Variants in CPPED1 observed in about 807,000 individuals in gnomAD.
CPPED1 encodes calcineurin like phosphoesterase domain containing 1, also known as serine/threonine-protein phosphatase CPPED1.
CPPED1 carries 28 observed loss-of-function variants against 28.0 expected under a neutral mutation model. The ratio of observed to expected loss-of-function variants is 1.00; its 90% CI spans 0.74 to 1.37. CPPED1 has a LOEUF of 1.37. Among genes scored for constraint, CPPED1 ranks in the 40% most tolerant of loss-of-function variants. The probability of loss-of-function intolerance (pLI) is 0.00; values close to 1 mark genes in which losing one functional copy is unlikely to be tolerated. For synonymous variants in CPPED1, 198 were observed against 180.2 expected (o/e 1.10, Z -0.79); for missense variants, 504 against 416.5 (o/e 1.21, Z -1.83).
intron 2 of CPPED1, among the ~76,000 whole-genome samples, chr16:12,705,762 C>T (rs543238166): frequency 6.6e-6 from 1 of 152,364 alleles, no homozygotes; most frequent in East Asian, 1.9e-4. Flanking sequence ...CTGCCTTAGC[C>T]TCCCAAAGTG....
rs1180494958 is a variant in CPPED1 at position 12,696,028 on chromosome 16, G to A, written c.715+8596C>T. Among the ~76,000 whole-genome samples the A allele has an allele frequency of 2.0e-5, 3 of 152,090 alleles. 1 individual carries two copies. ...TCCTTTTAAACCAGTACCCCCTTTTGTTAAAATTAAAAGTAGCATGCCTTC... is the reference window on the plus strand; with the variant it reads ...TCCTTTTAAACCAGTACCCCCTTTTATTAAAATTAAAAGTAGCATGCCTTC... On this transcript the variant is annotated intron_variant, in intron 3 of 3. Coordinates refer to ENST00000381774, the MANE Select transcript of CPPED1 (RefSeq NM_018340.3).
intron 3 of CPPED1, among the ~76,000 whole-genome samples, chr16:12,691,760 A>G (rs1340112092): frequency 7.2e-6 from 1 of 138,802 alleles, no homozygotes; most frequent in Non-Finnish European, 1.5e-5. Context: ...GGAATTGAAC[A>G]GTGAGAACAC....
In CPPED1 at chr16:12,743,643, T is replaced by TG. The variant is rs147343012; in HGVS notation, c.289+37541dup. On this transcript the variant is annotated intron_variant, in intron 2 of 3. Coordinates refer to ENST00000381774, the MANE Select transcript of CPPED1 (RefSeq NM_018340.3). The stretch of plus-strand genomic sequence containing the variant: ...ACCAAGAAAAAGTCATTTATCTCAA[T>TG]GGAACAAACAGGCTGAGATGAACAG... 7.8e-3 allele frequency among the ~76,000 whole-genome samples: 1,190 copies of TG among 152,324 alleles called. 19 individuals are homozygous for TG. Among genetic ancestry groups the TG allele is most frequent in the African/African-American group, 0.027 (1,127 of 41,568 alleles).
In CPPED1 at chr16:12,781,206, C is replaced by G; in HGVS notation, c.268G>C (p.Asp90His). 1.9e-6 allele frequency: 3 copies of G among 1,613,300 alleles called. No individual in the cohort carries two copies. The highest frequency in any genetic ancestry group is 2.5e-6 in the Non-Finnish European group (3 of 1,179,680). ...PKPKFFVLCGDLIHAMPGKPW... is the reference protein window; with the variant it reads ...PKPKFFVLCGHLIHAMPGKPW... ...TTACCTGGCATGGCGTGGATGAGGT[C>G]GCCGCACAGAACGAAGAATTTGGGT... The change falls in exon 2 of 4, where the codon GAC becomes CAC. Residue 90 changes from aspartate (D) to histidine (H), a missense_variant. Asp to His is a moderately conservative substitution (Grantham distance 81). Transcript: ENST00000381774.
chr16:12,795,736 C>T (rs2141246620), intron 1 of CPPED1, among the ~76,000 whole-genome samples: 1 of 152,338 alleles, frequency 6.6e-6, no homozygotes, highest in East Asian at 1.9e-4. Flanking sequence ...CAGATACACC[C>T]AGGTGACCCA....
rs569302332 is a variant in CPPED1 at position 12,692,217 on chromosome 16, T to C, written c.715+12407A>G. 2.0e-5 allele frequency among the ~76,000 whole-genome samples: 3 copies of C among 152,234 alleles called. No homozygotes were observed. In the South Asian group the frequency reaches 6.2e-4, roughly 32 times the overall value. ...GACCCTCGAGGAAGGTGGTTTTTAA[T>C]ACCCACTGGTGGCACTTCACAGAGC... On this transcript the variant is annotated intron_variant, in intron 3 of 3. Coordinates refer to ENST00000381774, the MANE Select transcript of CPPED1 (RefSeq NM_018340.3).
chr16:12,665,992 C>A (rs914965638), intron 3 of CPPED1, among the ~76,000 whole-genome samples: 1 of 152,110 alleles, frequency 6.6e-6, no homozygotes, highest in Non-Finnish European at 1.5e-5. Context: ...TGGCGGGCAT[C>A]TGTAATCCCA....
intron 3 of CPPED1, among the ~76,000 whole-genome samples, chr16:12,699,809 C>G (rs1019159994): frequency 6.6e-6 from 1 of 152,058 alleles, no homozygotes; most frequent in Non-Finnish European, 1.5e-5. Context: ...GGGAAGAAAA[C>G]AAAGGCAATA....
At chr16:12,750,010 G>A (rs1303424898) in intron 2 of CPPED1, among the ~76,000 whole-genome samples, 2 of 152,170 alleles carry the variant, frequency 1.3e-5, no homozygotes, top group African/African-American at 4.8e-5. Context: ...TTTATGAAAC[G>A]TATTTCTTAA....
chr16:12,679,286 G>T (rs1186009238), intron 3 of CPPED1, among the ~76,000 whole-genome samples: 2 of 152,158 alleles, frequency 1.3e-5, no homozygotes, highest in Non-Finnish European at 2.9e-5. Flanking sequence ...AGAGTAGGTG[G>T]ATATTCTTTT....
At chr16:12,686,227 G>GTATATATATA (rs149918404) in intron 3 of CPPED1, among the ~76,000 whole-genome samples, 62 of 125,448 alleles carry the variant, frequency 4.9e-4, no homozygotes, top group African/African-American at 2.8e-3. Context: ...TTTATTAATT[G>GTATATATATA]TATATATATA....
rs528692063 is a variant in CPPED1, at chr16:12,719,547, G to A, written c.290-14498C>T. 5.9e-5 allele frequency among the ~76,000 whole-genome samples: 9 copies of A among 152,270 alleles called. No homozygotes were observed. The South Asian group carries it at 8.3e-4, about 14-fold the overall frequency. On this transcript the variant is annotated intron_variant, in intron 2 of 3. Coordinates refer to ENST00000381774, the MANE Select transcript of CPPED1 (RefSeq NM_018340.3). ...GAAACTGGATGTGGTCTCCAGGAGC[G>A]AAGACGGAAAGATTGACTTACCATG... is the stretch of plus-strand genomic sequence containing the variant.
chr16:12,764,600 A>C (rs1275896489), intron 2 of CPPED1, among the ~76,000 whole-genome samples: 4 of 152,082 alleles, frequency 2.6e-5, no homozygotes, highest in African/African-American at 9.7e-5. Flanking sequence ...CAGCCTCCCA[A>C]AGTGCTGAGA....
chr16:12,702,197 T>C (rs1197957423), intron 3 of CPPED1, among the ~76,000 whole-genome samples: 2 of 151,996 alleles, frequency 1.3e-5, no homozygotes, highest in African/African-American at 2.4e-5. Flanking sequence ...TGGGGCATCA[T>C]GGATATGATG....
intron 3 of CPPED1, among the ~76,000 whole-genome samples, chr16:12,702,857 C>A (rs1567280611): frequency 1.3e-5 from 2 of 151,614 alleles, no homozygotes; most frequent in Admixed American, 6.6e-5. Context: ...ACTAAAAATA[C>A]AAAAACTAGC....
chr16:12,702,651 T>C (rs2080026595), intron 3 of CPPED1, among the ~76,000 whole-genome samples: 1 of 152,024 alleles, frequency 6.6e-6, no homozygotes. Flanking sequence ...AGGAATGTGG[T>C]CAACAAGAAC....
chr16:12,664,762 G>A lies in CPPED1; in HGVS notation c.*124C>T. On this transcript the variant is annotated 3_prime_UTR_variant, in exon 4 of 4. Transcript: ENST00000381774. The surrounding 1 kb of genome is among the most constrained non-coding windows in gnomAD (Gnocchi z 4.2). ...CCCAGCTCTCTGATTTATGCAAAAG[G>A]ACATAAATTCACAAACCTGCCTGGG... The A allele has an allele frequency of 6.6e-7, 1 of 1,510,910 alleles. No individual in the cohort carries two copies. Among genetic ancestry groups the A allele is most frequent in the Non-Finnish European group, 8.8e-7 (1 of 1,139,618 alleles). The allele number at this position is 1,510,910 out of a possible 1,614,324, so 93.6% of individuals were successfully genotyped here. A position where few individuals can be genotyped will look rare whatever the true frequency, so the allele number is the denominator to read the frequency against.
chr16:12,710,680 T>G (rs991567612), intron 2 of CPPED1, among the ~76,000 whole-genome samples: 1 of 152,092 alleles, frequency 6.6e-6, no homozygotes, highest in Non-Finnish European at 1.5e-5. Flanking sequence ...GGCAAAGGAT[T>G]GAACAGACAT....
intron 3 of CPPED1, among the ~76,000 whole-genome samples, chr16:12,665,455 G>C (rs1350629901): frequency 6.6e-6 from 1 of 152,116 alleles, no homozygotes; most frequent in Non-Finnish European, 1.5e-5. Context: ...AACAGCCTGA[G>C]TCCTATAGAA....
Sources: gnomAD v4.1 joint callset for allele counts (sites outside exome capture counted in the v4.1 genomes callset) on GRCh38, gnomAD v4.1.1 for gene constraint, Gnocchi (gnomAD v3.1) non-coding constraint, MANE v1.5 for transcripts, NCBI Gene and HGNC (gene_info 2026-07-23, HGNC 2026-07-21) for gene names.